HERC3: variants seen among roughly 807,000 people sequenced by gnomAD.
HERC3 encodes HECT and RLD domain containing E3 ubiquitin protein ligase 3.
A neutral mutation model predicts 129.9 loss-of-function variants in HERC3; 58 were observed. The observed-to-expected ratio is 0.45, with a 90% CI of 0.36 to 0.56. HERC3 has a LOEUF of 0.56. Among genes scored for constraint, HERC3 ranks in the 20% least tolerant of loss-of-function variants. The probability of loss-of-function intolerance (pLI) is 0.00; values close to 1 mark genes in which losing one functional copy is unlikely to be tolerated. For missense variants in HERC3, 835 were observed against 1,244.2 expected (o/e 0.67, Z 4.95); for synonymous variants, 430 against 451.0 (o/e 0.95, Z 0.59).
chr4:88,604,893 CT>C (rs1374192645), intron 2 of HERC3, among the ~76,000 whole-genome samples: 2 of 152,146 alleles, frequency 1.3e-5, no homozygotes, highest in Non-Finnish European at 2.9e-5. Context: ...ATCACCAACA[CT>C]TGTTGTTACC....
intron 3 of HERC3, among the ~76,000 whole-genome samples, chr4:88,645,774 C>T (rs1728628120): frequency 6.6e-6 from 1 of 152,072 alleles, no homozygotes; most frequent in Non-Finnish European, 1.5e-5. Flanking sequence ...TTGCTTATTT[C>T]TGGAAATTTC....
chr4:88,686,528 A>C (rs1467558963), intron 21 of HERC3, among the ~76,000 whole-genome samples: 2 of 152,234 alleles, frequency 1.3e-5, no homozygotes, highest in Non-Finnish European at 2.9e-5. Context: ...AGAAGAGAGA[A>C]TAATTAATGA....
chr4:88,680,973 C>T (rs1174250779), intron 20 of HERC3, 186 bp from the exon 21 acceptor site: 4 of 976,014 alleles, frequency 4.1e-6, no homozygotes. Flanking sequence ...ATGCTTAACT[C>T]TGTCTACATT....
the HERC3 span, among the ~76,000 whole-genome samples, chr4:88,546,385 A>G: frequency 6.6e-6 from 1 of 152,200 alleles, no homozygotes; most frequent in South Asian, 2.1e-4. Flanking sequence ...GGATAGTGCT[A>G]TCTATATGCC....
intron 3 of HERC3, among the ~76,000 whole-genome samples, chr4:88,630,172 T>C (rs1726581889): frequency 6.6e-6 from 1 of 152,228 alleles, no homozygotes; most frequent in African/African-American, 2.4e-5. Flanking sequence ...TTGATTCTGT[T>C]ACTTCTCTGA....
chr4:88,534,847 A>T, the HERC3 span, among the ~76,000 whole-genome samples: 1 of 152,198 alleles, frequency 6.6e-6, no homozygotes, highest in African/African-American at 2.4e-5. Context: ...TGTGTTTTCA[A>T]TGACTGTTCA....
intron 23 of HERC3, chr4:88,693,469 G>T: frequency 1.0e-6 from 1 of 972,012 alleles, no homozygotes; most frequent in African/African-American, 1.8e-5. Context: ...TCACACATAG[G>T]CTACTTTACA....
chr4:88,608,648 C>T (rs902130847), intron 3 of HERC3, among the ~76,000 whole-genome samples: 1 of 152,202 alleles, frequency 6.6e-6, no homozygotes, highest in Non-Finnish European at 1.5e-5. Flanking sequence ...AAATGGTCTT[C>T]ATACTGGAAC....
At chr4:88,578,705 G>A in the HERC3 span, among the ~76,000 whole-genome samples, 1 of 152,114 alleles carries the variant, frequency 6.6e-6, no homozygotes, top group Non-Finnish European at 1.5e-5. Flanking sequence ...TACATGCTAA[G>A]TATCTTAAAT....
chr4:88,623,586 C>T (rs1224041897), intron 3 of HERC3, among the ~76,000 whole-genome samples: 1 of 152,156 alleles, frequency 6.6e-6, no homozygotes, highest in African/African-American at 2.4e-5. Flanking sequence ...CTCACGTGGG[C>T]TACCATTCAA....
chr4:88,561,392 G>T, the HERC3 span, among the ~76,000 whole-genome samples: 1 of 152,006 alleles, frequency 6.6e-6, no homozygotes, highest in Non-Finnish European at 1.5e-5. Flanking sequence ...GTACATAGTA[G>T]GTATATATAT....
At chr4:88,550,463 A>T in the HERC3 span, among the ~76,000 whole-genome samples, 1 of 151,926 alleles carries the variant, frequency 6.6e-6, no homozygotes, top group South Asian at 2.1e-4. Context: ...AATGTACAAA[A>T]ATCACAAGCA....
rs775660052 is a variant in HERC3 at position 88,676,216 on chromosome 4, A to G, written c.1912-2A>G. On this transcript the variant is annotated splice_acceptor_variant, in intron 16 of 25. Transcript: ENST00000402738. LOFTEE classifies it high-confidence loss of function. ...AGAGACTTTTTATTTTTCTTTACAC[A>G]GAAGGCTAGACCATCAATAATACAG... 9.6e-6 allele frequency: 15 copies of G among 1,560,530 alleles called. No individual in the cohort carries two copies. Among genetic ancestry groups the G allele is most frequent in the Non-Finnish European group, 1.3e-5 (15 of 1,134,838 alleles).
chr4:88,669,061 G>T (rs1488277830), intron 14 of HERC3, among the ~76,000 whole-genome samples: 1 of 152,036 alleles, frequency 6.6e-6, no homozygotes, highest in African/African-American at 2.4e-5. Flanking sequence ...AAAATACAAA[G>T]AGAACATAAT....
In HERC3 at chr4:88,654,561, A is replaced by G. The variant is rs145172113; in HGVS notation, c.777+428A>G. On this transcript the variant is annotated intron_variant, in intron 7 of 25. Transcript: ENST00000402738. Reference sequence around the variant, plus strand: ...TATTTTTATTTGTTATTTTATGTATATATAATATATATAAAATGATGTCCT... The same window carrying G: ...TATTTTTATTTGTTATTTTATGTATGTATAATATATATAAAATGATGTCCT... Among the ~76,000 whole-genome samples, 1,424 of 148,700 alleles carry G rather than the reference A, an allele frequency of 9.6e-3. 21 individuals are homozygous for G. Among genetic ancestry groups the G allele is most frequent in the African/African-American group, 0.032 (1,325 of 40,896 alleles).
chr4:88,698,437 C>T (rs192236613), intron 23 of HERC3, among the ~76,000 whole-genome samples: 243 of 152,206 alleles, frequency 1.6e-3, no homozygotes, highest in Middle Eastern at 6.8e-3. Flanking sequence ...CTCAGCAGGA[C>T]TCCCCTGGAA....
intron 3 of HERC3, among the ~76,000 whole-genome samples, chr4:88,631,539 A>G (rs1388492682): frequency 1.3e-5 from 2 of 152,214 alleles, no homozygotes; most frequent in African/African-American, 4.8e-5. Flanking sequence ...GATTTGGCTT[A>G]ATGATTGTTT....
At chr4:88,531,492 ATTAAT>A in the HERC3 span, among the ~76,000 whole-genome samples, 1 of 152,380 alleles carries the variant, frequency 6.6e-6, no homozygotes, top group East Asian at 1.9e-4. Flanking sequence ...TCCACATGAT[ATTAAT>A]TTGTCTATTT....
chr4:88,554,163 T>C, the HERC3 span, among the ~76,000 whole-genome samples: 1 of 151,984 alleles, frequency 6.6e-6, no homozygotes, highest in Non-Finnish European at 1.5e-5. Flanking sequence ...CTGGCCAACA[T>C]GGTGAAACCC....
Sources: gnomAD v4.1 joint callset for allele counts (sites outside exome capture counted in the v4.1 genomes callset) on GRCh38, gnomAD v4.1.1 for gene constraint, MANE v1.5 for transcripts, NCBI Gene and HGNC (gene_info 2026-07-23, HGNC 2026-07-21) for gene names.